ENPP1: variants seen among roughly 807,000 people sequenced by gnomAD.
ENPP1 encodes the protein ectonucleotide pyrophosphatase/phosphodiesterase 1.
A neutral mutation model predicts 122.8 loss-of-function variants in ENPP1; 73 were observed. The observed-to-expected ratio is 0.59, with a 90% CI of 0.49 to 0.72. The LOEUF is 0.72. Among genes scored for constraint, ENPP1 ranks in the 30% least tolerant of loss-of-function variants. The probability of loss-of-function intolerance (pLI) is 0.00; values close to 1 mark genes in which losing one functional copy is unlikely to be tolerated. For missense variants in ENPP1, 978 were observed against 1,128.1 expected (o/e 0.87, Z 1.91); for synonymous variants, 367 against 391.6 (o/e 0.94, Z 0.74).
At chr6:131,820,043 G>T in intron 1 of ENPP1, 1 of 548,706 alleles carries the variant, frequency 1.8e-6, no homozygotes, top group Non-Finnish European at 3.5e-6. Context: ...AATCTCCATG[G>T]AGACTGACTC....
At chr6:131,850,721 A>G (rs892109566) in intron 3 of ENPP1, among the ~76,000 whole-genome samples, 6 of 152,094 alleles carry the variant, frequency 3.9e-5, no homozygotes, top group Admixed American at 1.3e-4. Context: ...GGCTCACACC[A>G]TTATGCCCAG....
chr6:131,892,389 G>A lies in ENPP1; in HGVS notation c.*1878G>A, dbSNP rs1159733899. 1 of 152,120 alleles carries A rather than the reference G, an allele frequency of 6.6e-6. No homozygotes were observed. Among genetic ancestry groups the A allele is most frequent in the East Asian group, 1.9e-4 (1 of 5,186 alleles). The allele number at this position is 152,120 out of a possible 1,614,324, so 9.4% of individuals were successfully genotyped here. A position where few individuals can be genotyped will look rare whatever the true frequency, so the allele number is the denominator to read the frequency against. On this transcript the variant is annotated 3_prime_UTR_variant, in exon 25 of 25. Coordinates refer to ENST00000647893, the MANE Select transcript of ENPP1 (RefSeq NM_006208.3). ...GCCTCCCTTTATACTGAGTAACAGG[G>A]TCCCCTCATTACTACTGGGCAAGGT...
At chr6:131,882,496 C>T (rs772044125) in intron 21 of ENPP1, 22 bp downstream of exon 21, 2 of 1,578,574 alleles carry the variant, frequency 1.3e-6, no homozygotes, top group East Asian at 2.3e-5. Context: ...CCTCTCCTGA[C>T]CTTCCCTTTT....
At position 131,874,309 on chromosome 6, in the gene ENPP1, G is replaced by T; in HGVS notation, c.1607G>T (p.Gly536Val). Residue 536 changes from glycine (G) to valine (V), a missense_variant, in exon 16 of 25, where the codon GGC becomes GTC. Coordinates refer to ENST00000647893, the MANE Select transcript of ENPP1 (RefSeq NM_006208.3). ...ERKYCGSGFH[G>V]SDNVFSNMQA... ...AAATATTGTGGAAGTGGATTTCATGGCTCTGACAATGTATTTTCAAATATG... is the reference window on the plus strand; with the variant it reads ...AAATATTGTGGAAGTGGATTTCATGTCTCTGACAATGTATTTTCAAATATG... 6.3e-7 allele frequency: 1 copy of T among 1,595,894 alleles called. No individual in the cohort carries two copies. Among genetic ancestry groups the T allele is most frequent in the Non-Finnish European group, 8.6e-7 (1 of 1,164,476 alleles).
At position 131,894,200 on chromosome 6, in the gene ENPP1, C is replaced by T. The variant is rs529752866; in HGVS notation, c.*3689C>T. The T allele has an allele frequency of 9.9e-5, 15 of 152,250 alleles. No individual in the cohort carries two copies. Among genetic ancestry groups the T allele is most frequent in the East Asian group, 1.9e-4 (1 of 5,150 alleles). The allele number at this position is 152,250 out of a possible 1,614,324, so 9.4% of individuals were successfully genotyped here. On this transcript the variant is annotated 3_prime_UTR_variant, in exon 25 of 25. Transcript: ENST00000647893. The stretch of plus-strand genomic sequence containing the variant: ...CGATCTCCTGACCTTGTGATCTGCC[C>T]GCCTCGGCCTCCCAAAGTGCTGGGA...
At chr6:131,872,883 T>G in intron 14 of ENPP1, 40 bp from the exon 15 acceptor site, 1 of 1,607,950 alleles carries the variant, frequency 6.2e-7, no homozygotes, top group South Asian at 1.1e-5. Context: ...TTTTAGATAT[T>G]AGGGAAATAA....
chr6:131,881,137 T>G (rs1782299979), intron 20 of ENPP1, among the ~76,000 whole-genome samples: 1 of 152,142 alleles, frequency 6.6e-6, no homozygotes. Flanking sequence ...AGCAGTTTGA[T>G]TTAAAAAATA....
At chr6:131,865,574 A>G (rs1156767465) in intron 11 of ENPP1, among the ~76,000 whole-genome samples, 1 of 152,232 alleles carries the variant, frequency 6.6e-6, no homozygotes, top group Non-Finnish European at 1.5e-5. Flanking sequence ...TAGCACTTTA[A>G]AACAGCAAAC....
At chr6:131,856,961 T>C (rs1047299238) in intron 6 of ENPP1, among the ~76,000 whole-genome samples, 8 of 152,118 alleles carry the variant, frequency 5.3e-5, no homozygotes, top group African/African-American at 1.9e-4. Flanking sequence ...TAGGATTGAC[T>C]TGGCGATGCG....
rs8192683 is a variant in ENPP1 at position 131,890,390 on chromosome 6, G to C, written c.2657G>C (p.Arg886Thr). 4.7e-3 allele frequency: 7,661 copies of C among 1,613,672 alleles called. 32 individuals are homozygous for C. The highest frequency in any genetic ancestry group is 8.4e-3 in the South Asian group (763 of 91,068). The part of the protein sequence containing the change: ...SWVEELLMLH[R>T]ARITDVEHIT... ...GTTGAAGAATTGTTAATGTTACACA[G>C]AGCACGGATCACAGATGTTGAGCAC... is the stretch of plus-strand genomic sequence containing the variant. The change falls in exon 25 of 25, where the codon AGA (arginine) becomes ACA (threonine). Residue 886 changes from arginine to threonine, a missense_variant. Around this residue, in one of 3 missense-constraint regions of ENPP1, gnomAD observed 644 missense variants for 781.5 expected, o/e 0.82. Coordinates refer to ENST00000647893, the MANE Select transcript of ENPP1 (RefSeq NM_006208.3).
rs760599746 is a variant in ENPP1, at chr6:131,849,986, T to G, written c.314-4T>G. ...ACATCTGACTTATCGTTCAATTTTT[T>G]CAGTTAAAAGTTGCAAAGGTCGCTG... On this transcript the variant is annotated splice_polypyrimidine_tract_variant and splice_region_variant and intron_variant, in intron 2 of 24. Transcript: ENST00000647893. 1 of 1,601,410 alleles carries G rather than the reference T, an allele frequency of 6.2e-7. No homozygotes were observed. The highest frequency in any genetic ancestry group is 8.6e-7 in the Non-Finnish European group (1 of 1,168,300).
chr6:131,873,497 G>A (rs1456673850), intron 15 of ENPP1, among the ~76,000 whole-genome samples: 3 of 152,096 alleles, frequency 2.0e-5, no homozygotes, highest in Non-Finnish European at 4.4e-5. Flanking sequence ...ATGTCTAATT[G>A]TGCCTCCAAA....
At chr6:131,878,672 G>A in intron 19 of ENPP1, 79 bp downstream of exon 19, 1 of 1,051,780 alleles carries the variant, frequency 9.5e-7, no homozygotes, top group Non-Finnish European at 1.5e-6. Context: ...GAACTGGCTT[G>A]GGGGTATTAT....
rs1255848793 is a variant in ENPP1 at position 131,885,158 on chromosome 6, A to G, written c.2444+95A>G. ...TGAGTCAACAGAACCTTTTTTATCCAGTGTCGTATGTTTATGTGTATGACA... is the reference window on the plus strand; with the variant it reads ...TGAGTCAACAGAACCTTTTTTATCCGGTGTCGTATGTTTATGTGTATGACA... On this transcript the variant is annotated intron_variant, in intron 23 of 24. Transcript: ENST00000647893. 2.5e-6 allele frequency: 3 copies of G among 1,184,860 alleles called. No homozygotes were observed. In the Admixed American group the frequency reaches 5.5e-5, roughly 22 times the overall value. The allele number at this position is 1,184,860 out of a possible 1,614,324, so 73.4% of individuals were successfully genotyped here.
At chr6:131,836,724 A>G (rs1781679424) in intron 1 of ENPP1, among the ~76,000 whole-genome samples, 1 of 152,208 alleles carries the variant, frequency 6.6e-6, no homozygotes, top group South Asian at 2.1e-4. Context: ...GGATTCTTGG[A>G]AAGTCAAACA....
chr6:131,863,777 G>A (rs1199188884), intron 9 of ENPP1, among the ~76,000 whole-genome samples: 6 of 151,634 alleles, frequency 4.0e-5, no homozygotes, highest in Admixed American at 1.3e-4. Flanking sequence ...ATTGCCAGGC[G>A]TGGTGGTGCA....
At chr6:131,880,099 G>T in intron 20 of ENPP1, 65 bp downstream of exon 20, 2 of 1,454,496 alleles carry the variant, frequency 1.4e-6, no homozygotes, top group South Asian at 1.1e-5. Context: ...AACATTAAAT[G>T]CATAGTTTCT....
chr6:131,821,358 TA>T (rs1454758704), intron 1 of ENPP1, among the ~76,000 whole-genome samples: 1 of 152,178 alleles, frequency 6.6e-6, no homozygotes, highest in African/African-American at 2.4e-5. Context: ...ATTAGAAACC[TA>T]AAACAAAATG....
At chr6:131,866,007 A>AAAAAAGAG (rs1554203831) in intron 11 of ENPP1, among the ~76,000 whole-genome samples, 6 of 150,392 alleles carry the variant, frequency 4.0e-5, no homozygotes, top group African/African-American at 1.2e-4. Context: ...AAAAAAAAAA[A>AAAAAAGAG]AGAGAAAAAG....
Sources: allele counts gnomAD v4.1 joint callset (sites outside exome capture counted in the v4.1 genomes callset), GRCh38; gene constraint gnomAD v4.1.1; regional missense constraint gnomAD v4.1.1; transcripts MANE v1.5; gene names NCBI Gene and HGNC (gene_info 2026-07-23, HGNC 2026-07-21).